The following NDE1 variants were observed in gnomAD, a reference collection of about 807,000 sequenced individuals.
NDE1 encodes the protein nudE neurodevelopment protein 1.
NDE1 carries 28 observed loss-of-function variants against 43.4 expected under a neutral mutation model. The observed-to-expected ratio is 0.65, with a 90% CI of 0.48 to 0.89. The LOEUF (loss-of-function observed/expected upper bound fraction) is 0.89. Ranked by LOEUF, NDE1 falls within the 40% of genes least tolerant of loss-of-function variation. The probability of loss-of-function intolerance (pLI) is 0.00; values close to 1 mark genes in which losing one functional copy is unlikely to be tolerated. For synonymous variants in NDE1, 184 were observed against 172.0 expected, an observed-to-expected ratio of 1.07 and a Z score of -0.55; for missense variants, 441 against 434.1, an observed-to-expected ratio of 1.02 and a Z score of -0.14.
At position 15,696,694 on chromosome 16, in the gene NDE1, T is replaced by C. The variant is rs1041190462; in HGVS notation, c.796-15T>C. The C allele has an allele frequency of 6.2e-7, 1 of 1,614,162 alleles. No individual in the cohort carries two copies. The highest frequency in any genetic ancestry group is 2.2e-5 in the East Asian group (1 of 44,872). ...TTGCCTATAACTTGAGAGATAAAAG[T>C]GTATTTCTGTCCAGGCACTGGAGTC... is the stretch of plus-strand genomic sequence containing the variant. On this transcript the variant is annotated splice_polypyrimidine_tract_variant and intron_variant, in intron 7 of 8. Coordinates refer to ENST00000396354, the MANE Select transcript of NDE1 (RefSeq NM_017668.3).
chr16:15,720,771 T>C, intron 8 of NDE1: 3 of 1,467,044 alleles, frequency 2.0e-6, no homozygotes, highest in Non-Finnish European at 2.9e-6. Flanking sequence ...ACACCAACCA[T>C]GAGAGTGGTG....
intron 8 of NDE1, chr16:15,703,905 T>C: frequency 6.3e-7 from 1 of 1,581,114 alleles, no homozygotes; most frequent in Non-Finnish European, 8.7e-7. Context: ...GGGTTTTGCT[T>C]TGTTCTGGGT....
intron 3 of NDE1, among the ~76,000 whole-genome samples, chr16:15,677,595 A>C (rs571016735): frequency 6.6e-6 from 1 of 151,770 alleles, no homozygotes; most frequent in East Asian, 1.9e-4. Context: ...CAAAAGAAAA[A>C]AAAAAAAACA....
intron 5 of NDE1, 146 bp from the exon 6 acceptor site, chr16:15,690,998 A>T (rs190293285): frequency 1.1e-6 from 1 of 870,628 alleles, no homozygotes; most frequent in African/African-American, 1.7e-5. Flanking sequence ...AATAGAGATG[A>T]GGTTTCACCA....
Position 15,724,848 on chromosome 16 carries a change from C to T in NDE1, c.*597C>T, listed in dbSNP as rs1250207607. The stretch of plus-strand genomic sequence containing the variant: ...CCCAGGGACCTGCCCCGAGGAAGGC[C>T]ACCCCCCAGGTCCCCTGGATGATGT... On this transcript the variant is annotated 3_prime_UTR_variant, in exon 9 of 9. Coordinates refer to ENST00000396354, the MANE Select transcript of NDE1 (RefSeq NM_017668.3). 1 of 1,613,814 alleles carries T rather than the reference C, an allele frequency of 6.2e-7. No individual in the cohort carries two copies. Among genetic ancestry groups the T allele is most frequent in the Admixed American group, 1.7e-5 (1 of 60,016 alleles).
In NDE1 at chr16:15,725,145, AAAAAC is replaced by A; in HGVS notation, c.*896_*900del. On this transcript the variant is annotated 3_prime_UTR_variant, in exon 9 of 9. Transcript: ENST00000396354. Reference sequence around the variant, plus strand: ...GTATGGGACTCTGATAAAAAAAAAAAAAAACACACACACACACAAAAAAAACAGAA... The same window carrying A: ...GTATGGGACTCTGATAAAAAAAAAAAACACACACACACAAAAAAAACAGAA... 4.5e-6 allele frequency: 3 copies of A among 661,764 alleles called. No homozygotes were observed. The highest frequency in any genetic ancestry group is 2.7e-5 in the Admixed American group (1 of 37,454). The allele number at this position is 661,764 out of a possible 1,614,324, so 41.0% of individuals were successfully genotyped here. A position where few individuals can be genotyped will look rare whatever the true frequency, so the allele number is the denominator to read the frequency against.
intron 3 of NDE1, among the ~76,000 whole-genome samples, chr16:15,674,206 C>A (rs2037747608): frequency 6.6e-6 from 1 of 152,092 alleles, no homozygotes; most frequent in Admixed American, 6.6e-5. Context: ...TTTTCTCTCC[C>A]TTTCCCTTCC....
intron 8 of NDE1, among the ~76,000 whole-genome samples, chr16:15,706,035 A>C (rs948868517): frequency 1.2e-4 from 18 of 150,762 alleles, no homozygotes; most frequent in Non-Finnish European, 2.7e-4. Flanking sequence ...GATCACTGAG[A>C]AGAGGAATTC....
intron 2 of NDE1, among the ~76,000 whole-genome samples, chr16:15,665,646 T>C (rs556189775): frequency 6.6e-6 from 1 of 152,040 alleles, no homozygotes; most frequent in South Asian, 2.1e-4. Flanking sequence ...GGTTTTGCCA[T>C]GCTGGTCAGG....
intron 6 of NDE1, among the ~76,000 whole-genome samples, chr16:15,691,799 T>A (rs994577386): frequency 6.6e-6 from 1 of 151,800 alleles, no homozygotes; most frequent in Non-Finnish European, 1.5e-5. Context: ...TGGCTAACTT[T>A]TGTATTTTAG....
upstream of NDE1, among the ~76,000 whole-genome samples, chr16:15,647,894 G>A (rs1203976011): frequency 2.0e-5 from 3 of 151,934 alleles, no homozygotes. Flanking sequence ...TTAGCTGGGC[G>A]TGTTGGTGCA....
At chr16:15,658,368 C>T (rs1298337651) in intron 1 of NDE1, among the ~76,000 whole-genome samples, 1 of 152,218 alleles carries the variant, frequency 6.6e-6, no homozygotes, top group Non-Finnish European at 1.5e-5. Flanking sequence ...ACTGGCTGAG[C>T]ATGGGGGTTA....
At chr16:15,690,476 G>A (rs1424976122) in intron 5 of NDE1, among the ~76,000 whole-genome samples, 2 of 142,092 alleles carry the variant, frequency 1.4e-5, no homozygotes, top group East Asian at 2.2e-4. Flanking sequence ...TTACACCTCA[G>A]CCTCCCAAAG....
intron 7 of NDE1, chr16:15,695,039 C>A: frequency 2.5e-6 from 1 of 395,140 alleles, no homozygotes; most frequent in Non-Finnish European, 3.4e-6. Context: ...AAAAATTAGC[C>A]AGGCCTGATG....
intron 8 of NDE1, chr16:15,708,974 T>A (rs2039625626): frequency 1.0e-6 from 1 of 975,232 alleles, no homozygotes; most frequent in African/African-American, 1.6e-5. Context: ...TTTGAGATAG[T>A]CTCTGTCACC....
chr16:15,676,712 G>T (rs554053815), intron 3 of NDE1, among the ~76,000 whole-genome samples: 4 of 152,180 alleles, frequency 2.6e-5, no homozygotes, highest in Middle Eastern at 3.4e-3. Flanking sequence ...TGCCCAGGCC[G>T]GAGTGCAGTG....
chr16:15,688,265 T>A (rs1207112227), intron 5 of NDE1, among the ~76,000 whole-genome samples: 3 of 152,164 alleles, frequency 2.0e-5, no homozygotes, highest in African/African-American at 7.2e-5. Context: ...CCAATATATT[T>A]GGCTAAAACT....
intron 4 of NDE1, among the ~76,000 whole-genome samples, chr16:15,682,665 T>G (rs2038241851): frequency 6.6e-6 from 1 of 152,196 alleles, no homozygotes; most frequent in African/African-American, 2.4e-5. Flanking sequence ...GCCAAAAAGT[T>G]TTACAAAAAT....
chr16:15,682,961 T>A (rs776564800), intron 4 of NDE1, among the ~76,000 whole-genome samples: 1 of 152,054 alleles, frequency 6.6e-6, no homozygotes, highest in Non-Finnish European at 1.5e-5. Flanking sequence ...CACCTCGGCC[T>A]CCCAAAGTGC....
Sources: gnomAD v4.1 joint callset for allele counts (sites outside exome capture counted in the v4.1 genomes callset) on GRCh38, gnomAD v4.1.1 for gene constraint, MANE v1.5 for transcripts, NCBI Gene and HGNC (gene_info 2026-07-23, HGNC 2026-07-21) for gene names.